TMEM143: variants seen among roughly 807,000 people sequenced by gnomAD.
The protein encoded by TMEM143 is transmembrane protein 143.
TMEM143 carries 45 observed loss-of-function variants against 40.3 expected under a neutral mutation model. The observed-to-expected ratio is 1.12, with a 90% CI of 0.88 to 1.43. The LOEUF (loss-of-function observed/expected upper bound fraction) is 1.43. Among genes scored for constraint, TMEM143 ranks in the 40% most tolerant of loss-of-function variants. The pLI is 0.00. For missense variants in TMEM143, 620 were observed against 613.4 expected, an observed-to-expected ratio of 1.01 and a Z score of -0.11; for synonymous variants, 299 against 282.7, an observed-to-expected ratio of 1.06 and a Z score of -0.58.
At position 48,334,288 on chromosome 19, in the gene TMEM143, C is replaced by T. The variant is rs1969293052; in HGVS notation, c.976-91G>A. The T allele has an allele frequency of 2.2e-6, 3 of 1,381,712 alleles. No homozygotes were observed. The East Asian group carries it at 7.6e-5, about 35-fold the overall frequency. The allele number at this position is 1,381,712 out of a possible 1,614,324, so 85.6% of individuals were successfully genotyped here. On this transcript the variant is annotated intron_variant, in intron 6 of 7. Transcript: ENST00000293261. ...GGGTCACCCCCGCTGGCACGGCCCACGCCGCTTACTCCCCTGAGGAGGCGG... is the reference window on the plus strand; with the variant it reads ...GGGTCACCCCCGCTGGCACGGCCCATGCCGCTTACTCCCCTGAGGAGGCGG...
At chr19:48,362,905 AT>A (rs1428269828) in intron 2 of TMEM143, among the ~76,000 whole-genome samples, 3 of 152,248 alleles carry the variant, frequency 2.0e-5, no homozygotes, top group Admixed American at 6.5e-5. Flanking sequence ...GCACAGTGCC[AT>A]GGAGTCAGAG....
chr19:48,363,643 CCCATCCGCTCG>C, intron 1 of TMEM143, 112 bp from the exon 2 acceptor site: 1 of 1,463,426 alleles, frequency 6.8e-7, no homozygotes, highest in Non-Finnish European at 9.1e-7. Context: ...GGGCGCAGAG[CCCATCCGCTCG>C]CCTCAAAGCC....
At chr19:48,354,579 T>C (rs1218904333) in intron 3 of TMEM143, among the ~76,000 whole-genome samples, 1 of 152,196 alleles carries the variant, frequency 6.6e-6, no homozygotes, top group African/African-American at 2.4e-5. Context: ...TTCACTTCTG[T>C]ACCTTGTTGC....
At chr19:48,352,250 A>AAAAAAAAAAAAAAAC in intron 3 of TMEM143, among the ~76,000 whole-genome samples, 1 of 147,722 alleles carries the variant, frequency 6.8e-6, no homozygotes, top group African/African-American at 2.5e-5. Flanking sequence ...CTGTCTCAAA[A>AAAAAAAAAAAAAAAC]AAAAAAAAAA....
intron 1 of TMEM143, 137 bp downstream of exon 1, chr19:48,363,752 GCCCAGAGAC>G: frequency 6.9e-7 from 1 of 1,445,438 alleles, no homozygotes; most frequent in Non-Finnish European, 9.6e-7. Flanking sequence ...CGTTTTTCAG[GCCCAGAGAC>G]CCTGTAGTGG....
chr19:48,333,523 G>C lies in TMEM143; in HGVS notation c.1166-90C>G. 1 of 860,718 alleles carries C rather than the reference G, an allele frequency of 1.2e-6. No homozygotes were observed. The highest frequency in any genetic ancestry group is 1.8e-6 in the Non-Finnish European group (1 of 551,706). The allele number at this position is 860,718 out of a possible 1,614,324, so 53.3% of individuals were successfully genotyped here. A position where few individuals can be genotyped will look rare whatever the true frequency, so the allele number is the denominator to read the frequency against. ...AAGGAGGGGCGTAGGGCAAAGAACA[G>C]GAAGGGCCTGGGTTTGGGAGAAGCC... On this transcript the variant is annotated intron_variant, in intron 7 of 7. Transcript: ENST00000293261. The surrounding 1 kb of genome is among the most constrained non-coding windows in gnomAD (Gnocchi z 4.1).
chr19:48,363,742 CGTTTTTCAGGCCCAGA>C (rs1224928632), intron 1 of TMEM143, 140 bp downstream of exon 1: 1 of 1,410,786 alleles, frequency 7.1e-7, no homozygotes, highest in Non-Finnish European at 9.8e-7. Flanking sequence ...GGTTCTGGGG[CGTTTTTCAGGCCCAGA>C]GACCCTGTAG....
intron 2 of TMEM143, 74 bp from the exon 3 acceptor site, chr19:48,360,250 T>C: frequency 7.0e-7 from 1 of 1,422,394 alleles, no homozygotes; most frequent in South Asian, 1.2e-5. Flanking sequence ...TTTCCCTGGC[T>C]GCCTAACTAC....
Position 48,334,151 on chromosome 19 carries a change from A to T in TMEM143, c.1022T>A (p.Met341Lys). ...GTTGGACGTACTGCGATAGTACAGC[A>T]TGTGCGCCAGCTCCAACGCCTGCGC... Reference protein sequence around the residue: ...RSAQALELAHMLYYRSTSNNS... With the variant: ...RSAQALELAHKLYYRSTSNNS... Residue 341 changes from methionine (M) to lysine (K), a missense_variant, in exon 7 of 8, where the codon ATG becomes AAG. By Grantham distance (95) the Met-to-Lys change is moderately conservative. Transcript: ENST00000293261. 1.2e-6 allele frequency: 2 copies of T among 1,608,662 alleles called. No individual in the cohort carries two copies. The highest frequency in any genetic ancestry group is 1.7e-6 in the Non-Finnish European group (2 of 1,178,024).
chr19:48,360,299 C>T, intron 2 of TMEM143, 123 bp from the exon 3 acceptor site: 1 of 996,856 alleles, frequency 1.0e-6, no homozygotes, highest in Non-Finnish European at 1.5e-6. Context: ...TGTTCTGGGG[C>T]TGGGCGCAGT....
chr19:48,352,249 A>AAAAAAAAAAAAAAC (rs1969791974), intron 3 of TMEM143, among the ~76,000 whole-genome samples: 1 of 147,604 alleles, frequency 6.8e-6, no homozygotes, highest in Admixed American at 6.8e-5. Context: ...TCTGTCTCAA[A>AAAAAAAAAAAAAAC]AAAAAAAAAA....
intron 3 of TMEM143, among the ~76,000 whole-genome samples, chr19:48,345,557 C>G (rs1305743637): frequency 6.6e-6 from 1 of 151,726 alleles, no homozygotes; most frequent in African/African-American, 2.4e-5. Context: ...CTCCCGGGTT[C>G]AAGCAATTCT....
intron 3 of TMEM143, among the ~76,000 whole-genome samples, chr19:48,358,193 G>A (rs1332687779): frequency 6.6e-6 from 1 of 152,174 alleles, no homozygotes; most frequent in East Asian, 1.9e-4. Flanking sequence ...AGACCAGCCT[G>A]AGCAACATGG....
intron 6 of TMEM143, among the ~76,000 whole-genome samples, chr19:48,337,417 G>A (rs942956725): frequency 3.3e-5 from 5 of 151,890 alleles, no homozygotes; most frequent in African/African-American, 7.2e-5. Flanking sequence ...GCATGGTGGC[G>A]GCGCCTGTAA....
chr19:48,363,266 C>G, intron 2 of TMEM143, 25 bp downstream of exon 2: 1 of 1,601,432 alleles, frequency 6.2e-7, no homozygotes, highest in Non-Finnish European at 8.5e-7. Flanking sequence ...AGTCCCCAGG[C>G]TCTTGGGCCT....
intron 6 of TMEM143, among the ~76,000 whole-genome samples, chr19:48,335,369 G>A (rs983731986): frequency 6.6e-6 from 1 of 152,146 alleles, no homozygotes; most frequent in Admixed American, 6.5e-5. Context: ...CTGAGCCCAG[G>A]AGTTCAAGAC....
At chr19:48,361,354 A>C (rs1005686841) in intron 2 of TMEM143, among the ~76,000 whole-genome samples, 1 of 151,206 alleles carries the variant, frequency 6.6e-6, no homozygotes, top group African/African-American at 2.4e-5. Flanking sequence ...AGTAACTGGG[A>C]TTATAGGCGC....
intron 5 of TMEM143, chr19:48,343,027 G>T: frequency 1.4e-6 from 1 of 694,786 alleles, no homozygotes; most frequent in Non-Finnish European, 2.3e-6. Flanking sequence ...CAGATTGTTT[G>T]TTGGAATCCT....
At chr19:48,335,330 A>G (rs767714657) in intron 6 of TMEM143, among the ~76,000 whole-genome samples, 3 of 152,238 alleles carry the variant, frequency 2.0e-5, no homozygotes, top group African/African-American at 7.2e-5. Flanking sequence ...TGTAATCCCA[A>G]CGCTGAGAGG....
Sources: allele counts gnomAD v4.1 joint callset (sites outside exome capture counted in the v4.1 genomes callset), GRCh38; gene constraint gnomAD v4.1.1; non-coding constraint Gnocchi (gnomAD v3.1); transcripts MANE v1.5; gene names NCBI Gene and HGNC (gene_info 2026-07-23, HGNC 2026-07-21).